The following HS3ST3B1 variants were observed in gnomAD, a reference collection of about 807,000 sequenced individuals.
HS3ST3B1 encodes the protein heparan sulfate-glucosamine 3-sulfotransferase 3B1.
In HS3ST3B1, 13 loss-of-function variants were observed where a neutral mutation model predicts 21.3. The observed-to-expected ratio is 0.61, with a 90% CI of 0.40 to 0.97. The LOEUF (loss-of-function observed/expected upper bound fraction) is 0.97. Ranked by LOEUF, HS3ST3B1 falls within the 50% of genes least tolerant of loss-of-function variation. The pLI is 0.00. For synonymous variants in HS3ST3B1, 234 were observed against 254.8 expected (o/e 0.92, Z 0.78); for missense variants, 459 against 554.8 (o/e 0.83, Z 1.73).
chr17:14,338,166 A>C (rs1362686215), intron 1 of HS3ST3B1, among the ~76,000 whole-genome samples: 1 of 151,766 alleles, frequency 6.6e-6, no homozygotes, highest in Non-Finnish European at 1.5e-5. Flanking sequence ...TTGTTCTGTC[A>C]CCAGGCTGGA....
At chr17:14,309,329 GCCGCCTCCC>G (rs1567636043) in intron 1 of HS3ST3B1, among the ~76,000 whole-genome samples, 2 of 152,344 alleles carry the variant, frequency 1.3e-5, no homozygotes, top group East Asian at 3.9e-4. Flanking sequence ...CGAGACTGGG[GCCGCCTCCC>G]CCGCCCCTAG....
intron 1 of HS3ST3B1, chr17:14,327,884 A>C (rs886694603): frequency 6.6e-6 from 1 of 152,212 alleles, no homozygotes; most frequent in Non-Finnish European, 1.5e-5. Flanking sequence ...GGAAGGCAAT[A>C]AGCTGCAATT....
At chr17:14,317,716 A>AGGAGGCTGGCTCAGAGGTGG (rs1323328495) in intron 1 of HS3ST3B1, among the ~76,000 whole-genome samples, 19 of 152,132 alleles carry the variant, frequency 1.2e-4, no homozygotes, top group Non-Finnish European at 2.5e-4. Flanking sequence ...GAGAGGAGCC[A>AGGAGGCTGGCTCAGAGGTGG]GGAGGCTGGC....
At chr17:14,330,550 GGTGT>G (rs60767866) in intron 1 of HS3ST3B1, among the ~76,000 whole-genome samples, 7,040 of 144,098 alleles carry the variant, frequency 0.049, 544 homozygotes, top group African/African-American at 0.17. Context: ...CTGGTTTCCC[GGTGT>G]GTGTGTGTGT....
rs1337321473 is a variant in HS3ST3B1 at position 14,302,015 on chromosome 17, T to C, written c.497T>C (p.Val166Ala). ...CGCGTGCACCCCGACGTGCGCGCCGTGGGCGCCGAGCCCCATTTCTTCGAT... is the reference window on the plus strand; with the variant it reads ...CGCGTGCACCCCGACGTGCGCGCCGCGGGCGCCGAGCCCCATTTCTTCGAT... Reference protein sequence around the residue: ...FLRVHPDVRAVGAEPHFFDRS... With the variant: ...FLRVHPDVRAAGAEPHFFDRS... The change falls in exon 1 of 2, where the codon GTG (valine) becomes GCG (alanine). Residue 166 changes from valine (V) to alanine (A), a missense_variant. Around this residue, in one of 3 missense-constraint regions of HS3ST3B1, gnomAD observed 317 missense variants for 278.6 expected, o/e 1.14. Coordinates refer to ENST00000360954, the MANE Select transcript of HS3ST3B1 (RefSeq NM_006041.3). 6.2e-7 allele frequency: 1 copy of C among 1,608,750 alleles called. No individual in the cohort carries two copies.
At chr17:14,332,829 CTTTTTTTT>C (rs71147859) in intron 1 of HS3ST3B1, among the ~76,000 whole-genome samples, 27 of 91,056 alleles carry the variant, frequency 3.0e-4, no homozygotes, top group African/African-American at 9.8e-4. Context: ...GACCTTTTAT[CTTTTTTTT>C]TTTTTTTTTT....
chr17:14,314,925 C>T (rs148690739), intron 1 of HS3ST3B1, among the ~76,000 whole-genome samples: 78 of 152,314 alleles, frequency 5.1e-4, no homozygotes, highest in African/African-American at 1.9e-3. Context: ...GAGCTTTTAT[C>T]TATTTGACTT....
rs1909015589 is a variant in HS3ST3B1, at chr17:14,303,507, G to A, written c.554+1435G>A. On this transcript the variant is annotated intron_variant, in intron 1 of 1. Transcript: ENST00000360954. The surrounding 1 kb of genome is among the most constrained non-coding windows in gnomAD (Gnocchi z 5.7). ...ATCTTTCCCACCGTTCCCGGGCTGT[G>A]ACCCATTCTCGGGACACTGGTGGAT... Among the ~76,000 whole-genome samples the A allele has an allele frequency of 6.6e-6, 1 of 152,134 alleles. No homozygotes were observed. The highest frequency in any genetic ancestry group is 6.5e-5 in the Admixed American group (1 of 15,276).
At position 14,305,870 on chromosome 17, in the gene HS3ST3B1, T is replaced by G. The variant is rs569530593; in HGVS notation, c.554+3798T>G. Among the ~76,000 whole-genome samples, 3 of 152,276 alleles carry G rather than the reference T, an allele frequency of 2.0e-5. No individual in the cohort carries two copies. In the South Asian group the frequency reaches 6.2e-4, roughly 32 times the overall value. On this transcript the variant is annotated intron_variant, in intron 1 of 1. Coordinates refer to ENST00000360954, the MANE Select transcript of HS3ST3B1 (RefSeq NM_006041.3). ...GCAAATTTAATCCTCATTACAGTTCTGTGAAGTAGGTACTTTTACAGGTGA... is the reference window on the plus strand; with the variant it reads ...GCAAATTTAATCCTCATTACAGTTCGGTGAAGTAGGTACTTTTACAGGTGA...
At position 14,301,495 on chromosome 17, in the gene HS3ST3B1, C is replaced by T. The variant is rs1908917433; in HGVS notation, c.-24C>T. On this transcript the variant is annotated 5_prime_UTR_variant, in exon 1 of 2. Transcript: ENST00000360954. ...CCCACGCCATGTGCTGAGCCATGTCCCTGGCCGCGCCCGCGGGCAGCGCAT... is the reference window on the plus strand; with the variant it reads ...CCCACGCCATGTGCTGAGCCATGTCTCTGGCCGCGCCCGCGGGCAGCGCAT... The T allele has an allele frequency of 3.4e-6, 5 of 1,486,516 alleles. No individual in the cohort carries two copies. In the East Asian group the frequency reaches 7.6e-5, roughly 23 times the overall value. 92.1% of individuals were successfully genotyped at this position (1,486,516 alleles called of 1,614,324 possible).
At chr17:14,318,088 G>T (rs994590325) in intron 1 of HS3ST3B1, among the ~76,000 whole-genome samples, 1 of 152,064 alleles carries the variant, frequency 6.6e-6, no homozygotes, top group Non-Finnish European at 1.5e-5. Flanking sequence ...CCCCCTCCCT[G>T]CTGCCTCCTT....
chr17:14,345,592 G>A lies in HS3ST3B1; in HGVS notation c.1119G>A (p.Arg373=), dbSNP rs755360402. 4 of 1,606,028 alleles carry A rather than the reference G, an allele frequency of 2.5e-6. No individual in the cohort carries two copies. The highest frequency in any genetic ancestry group is 3.4e-6 in the Non-Finnish European group (4 of 1,175,666). ...EVVRRLREFY[R]PFNLKFYQMT... ...TGCGCAGGCTGCGCGAGTTCTACCGGCCTTTCAACCTCAAGTTCTACCAGA... is the reference window on the plus strand; with the variant it reads ...TGCGCAGGCTGCGCGAGTTCTACCGACCTTTCAACCTCAAGTTCTACCAGA... The change falls in exon 2 of 2, where the codon CGG becomes CGA. Residue 373 remains arginine, a synonymous_variant. Transcript: ENST00000360954.
intron 1 of HS3ST3B1, among the ~76,000 whole-genome samples, chr17:14,319,012 C>T (rs1295338493): frequency 6.6e-6 from 1 of 152,136 alleles, no homozygotes; most frequent in Admixed American, 6.5e-5. Context: ...TGCAAAAGCA[C>T]ATCAGTGAGG....
chr17:14,337,659 T>C (rs1314873286), intron 1 of HS3ST3B1, among the ~76,000 whole-genome samples: 2 of 148,558 alleles, frequency 1.3e-5, no homozygotes, highest in Non-Finnish European at 2.9e-5. Flanking sequence ...ATGGATTTGT[T>C]CTTTTCTCTG....
intron 1 of HS3ST3B1, among the ~76,000 whole-genome samples, chr17:14,315,876 A>G (rs940455276): frequency 2.0e-5 from 3 of 152,258 alleles, no homozygotes; most frequent in African/African-American, 4.8e-5. Flanking sequence ...CCATGTTAGC[A>G]TATTAGAGGC....
At chr17:14,311,855 A>G (rs1487117740) in intron 1 of HS3ST3B1, among the ~76,000 whole-genome samples, 1 of 152,130 alleles carries the variant, frequency 6.6e-6, no homozygotes, top group African/African-American at 2.4e-5. Context: ...TCTTCCTTGA[A>G]GCACCACTTA....
intron 1 of HS3ST3B1, among the ~76,000 whole-genome samples, chr17:14,306,829 T>TAAAA (rs11462805): frequency 1.3e-5 from 2 of 149,104 alleles, no homozygotes; most frequent in Admixed American, 6.7e-5. Flanking sequence ...TGGGTGAAGA[T>TAAAA]AAAAAAAAAA....
intron 1 of HS3ST3B1, among the ~76,000 whole-genome samples, chr17:14,332,247 C>T (rs1024883603): frequency 2.0e-5 from 3 of 152,076 alleles, no homozygotes; most frequent in South Asian, 2.1e-4. Context: ...CATTGGCTTT[C>T]GGAGAAGACA....
chr17:14,345,515 T>A lies in HS3ST3B1; in HGVS notation c.1042T>A (p.Cys348Ser). The A allele has an allele frequency of 1.9e-6, 3 of 1,599,772 alleles. No individual in the cohort carries two copies. Among genetic ancestry groups the A allele is most frequent in the Non-Finnish European group, 2.6e-6 (3 of 1,170,330 alleles). Residue 348 changes from cysteine to serine, a missense_variant, in exon 2 of 2, where the codon TGC becomes AGC. Physicochemically the swap from Cys to Ser is moderately radical, Grantham distance 112 (BLOSUM62 -1). Around this residue, in one of 3 missense-constraint regions of HS3ST3B1, gnomAD observed 127 missense variants for 209.9 expected, o/e 0.60. Transcript: ENST00000360954. ...KKAEGSSRPHCLGKTKGRTHP... is the reference protein window; with the variant it reads ...KKAEGSSRPHSLGKTKGRTHP... ...GGCGGAGGGCAGCAGCCGGCCCCAT[T>A]GCCTGGGCAAGACCAAGGGCAGGAC...
Sources: allele counts gnomAD v4.1 joint callset (sites outside exome capture counted in the v4.1 genomes callset), GRCh38; gene constraint gnomAD v4.1.1; regional missense constraint gnomAD v4.1.1; non-coding constraint Gnocchi (gnomAD v3.1); transcripts MANE v1.5; gene names NCBI Gene and HGNC (gene_info 2026-07-23, HGNC 2026-07-21).